The following TMEM132C variants were observed in gnomAD, a reference collection of about 807,000 sequenced individuals.
TMEM132C encodes protein phosphatase 1, regulatory subunit 152.
A neutral mutation model predicts 61.4 loss-of-function variants in TMEM132C; 29 were observed. That is an observed-to-expected ratio of 0.47 (90% CI 0.35 to 0.64). The LOEUF is 0.64. TMEM132C is among the 30% of genes least tolerant of loss of function. The pLI is 0.00. For synonymous variants in TMEM132C, 656 were observed against 633.1 expected, an observed-to-expected ratio of 1.04 and a Z score of -0.54; for missense variants, 1,408 against 1,476.9, an observed-to-expected ratio of 0.95 and a Z score of 0.76.
At chr12:128,534,898 A>G (rs534799076) in intron 2 of TMEM132C, among the ~76,000 whole-genome samples, 1 of 152,354 alleles carries the variant, frequency 6.6e-6, no homozygotes, top group African/African-American at 2.4e-5. Flanking sequence ...ATGAACATGC[A>G]CTATTAAGCG....
chr12:128,315,904 C>T (rs764672250), intron 1 of TMEM132C, among the ~76,000 whole-genome samples: 14 of 151,714 alleles, frequency 9.2e-5, no homozygotes, highest in Admixed American at 3.3e-4. Flanking sequence ...GCCAGGAGAA[C>T]GGCATGGAAC....
intron 4 of TMEM132C, among the ~76,000 whole-genome samples, chr12:128,636,256 T>C (rs1018053141): frequency 6.6e-6 from 1 of 152,140 alleles, no homozygotes; most frequent in African/African-American, 2.4e-5. Flanking sequence ...TCTCACTTTG[T>C]TGCCCAGGCT....
chr12:128,568,712 T>C (rs1874779314), intron 3 of TMEM132C, among the ~76,000 whole-genome samples: 1 of 151,980 alleles, frequency 6.6e-6, no homozygotes, highest in South Asian at 2.1e-4. Context: ...AGAATGAAGG[T>C]GGGAAAGTGA....
chr12:128,355,920 G>A (rs1408954511), intron 1 of TMEM132C, among the ~76,000 whole-genome samples: 1 of 152,052 alleles, frequency 6.6e-6, no homozygotes, highest in Non-Finnish European at 1.5e-5. Flanking sequence ...CCCCCTTCCT[G>A]CCTTGTCACC....
At chr12:128,321,377 G>A (rs982442495) in intron 1 of TMEM132C, among the ~76,000 whole-genome samples, 5 of 152,086 alleles carry the variant, frequency 3.3e-5, no homozygotes, top group African/African-American at 9.7e-5. Flanking sequence ...AGAAGCCAAC[G>A]TCAGAAGGCT....
At chr12:128,542,458 A>ACCATG (rs944233546) in intron 2 of TMEM132C, among the ~76,000 whole-genome samples, 2 of 152,062 alleles carry the variant, frequency 1.3e-5, no homozygotes, top group Non-Finnish European at 2.9e-5. Flanking sequence ...GGCATGCACC[A>ACCATG]CCATGCCGGG....
chr12:128,551,217 C>CGT (rs1565971838), intron 3 of TMEM132C, among the ~76,000 whole-genome samples: 6 of 143,672 alleles, frequency 4.2e-5, no homozygotes, highest in African/African-American at 1.8e-4. Context: ...GAGCCCCCCC[C>CGT]CTCCCGCTTC....
intron 2 of TMEM132C, among the ~76,000 whole-genome samples, chr12:128,462,220 C>T (rs997710719): frequency 1.6e-4 from 25 of 152,194 alleles, no homozygotes; most frequent in Non-Finnish European, 1.5e-4. Flanking sequence ...ATTTTCCCTG[C>T]GTCAGCCTCC....
intron 3 of TMEM132C, among the ~76,000 whole-genome samples, chr12:128,580,495 A>G (rs1238971034): frequency 6.6e-6 from 1 of 152,232 alleles, no homozygotes; most frequent in Non-Finnish European, 1.5e-5. Context: ...AGGTATTAAT[A>G]AATCTTACCT....
intron 2 of TMEM132C, among the ~76,000 whole-genome samples, chr12:128,469,318 T>C (rs1870851736): frequency 6.7e-6 from 1 of 150,024 alleles, no homozygotes; most frequent in Admixed American, 6.7e-5. Context: ...ACAAGTAATA[T>C]CATAAAGCAT....
chr12:128,449,157 A>G (rs958584580), intron 2 of TMEM132C, among the ~76,000 whole-genome samples: 13 of 150,770 alleles, frequency 8.6e-5, no homozygotes, highest in Non-Finnish European at 1.0e-4. Flanking sequence ...AAAAAAAAAA[A>G]AAAGAAATTT....
chr12:128,647,328 G>A (rs1305315664), intron 4 of TMEM132C, among the ~76,000 whole-genome samples: 1 of 148,782 alleles, frequency 6.7e-6, no homozygotes, highest in African/African-American at 2.5e-5. Flanking sequence ...GTTTACTAGA[G>A]TCCATCAGCG....
rs1027225252 is a variant in TMEM132C, at chr12:128,495,787, A to G, written c.975-48170A>G. ...CTGATGGGTCTTGACTCTTTATCCA[A>G]TTTGCCAGTCTGTGTCTTTTAATTG... On this transcript the variant is annotated intron_variant, in intron 2 of 8. Coordinates refer to ENST00000435159, the MANE Select transcript of TMEM132C (RefSeq NM_001136103.3). 5.9e-5 allele frequency among the ~76,000 whole-genome samples: 9 copies of G among 152,070 alleles called. No homozygotes were observed. The East Asian group carries it at 7.7e-4, about 13-fold the overall frequency.
At chr12:128,311,686 G>A (rs1009515185) in intron 1 of TMEM132C, among the ~76,000 whole-genome samples, 9 of 152,302 alleles carry the variant, frequency 5.9e-5, no homozygotes, top group Middle Eastern at 3.4e-3. Flanking sequence ...CTGGTGCCCC[G>A]CAGGCTGCGG....
At chr12:128,298,335 C>T (rs1254792847) in intron 1 of TMEM132C, among the ~76,000 whole-genome samples, 1 of 152,164 alleles carries the variant, frequency 6.6e-6, no homozygotes, top group Non-Finnish European at 1.5e-5. Context: ...GTGTTCCTTC[C>T]GAAAGGGCAA....
At chr12:128,434,628 A>G (rs1351794114) in intron 2 of TMEM132C, among the ~76,000 whole-genome samples, 1 of 145,190 alleles carries the variant, frequency 6.9e-6, no homozygotes, top group Non-Finnish European at 1.5e-5. Flanking sequence ...TTGGAGGGGA[A>G]GTCTCCCTCT....
At chr12:128,383,386 G>T (rs73436620) in intron 1 of TMEM132C, among the ~76,000 whole-genome samples, 1 of 152,196 alleles carries the variant, frequency 6.6e-6, no homozygotes, top group African/African-American at 2.4e-5. Flanking sequence ...TCAACTTCAC[G>T]TGGAAACACG....
rs147523659 is a variant in TMEM132C at position 128,372,899 on chromosome 12, C to T, written c.86-41833C>T. The stretch of plus-strand genomic sequence containing the variant: ...GTAGGTGCTGAATTTCTCTGTTGAG[C>T]CACTCCATAGTGGAATTCATTAGCA... On this transcript the variant is annotated intron_variant, in intron 1 of 8. Transcript: ENST00000435159. Among the ~76,000 whole-genome samples the T allele has an allele frequency of 3.8e-3, 571 of 152,234 alleles. 5 individuals are homozygous for T. Among genetic ancestry groups the T allele is most frequent in the African/African-American group, 0.013 (559 of 41,534 alleles).
chr12:128,453,776 G>A (rs994616105), intron 2 of TMEM132C, among the ~76,000 whole-genome samples: 1 of 152,200 alleles, frequency 6.6e-6, no homozygotes, highest in African/African-American at 2.4e-5. Context: ...ACCCCGCAGG[G>A]GCTGGGGCAG....
Sources: gnomAD v4.1 joint callset for allele counts (sites outside exome capture counted in the v4.1 genomes callset) on GRCh38, gnomAD v4.1.1 for gene constraint, MANE v1.5 for transcripts, NCBI Gene and HGNC (gene_info 2026-07-23, HGNC 2026-07-21) for gene names.